Variants in KCNT1 observed in about 807,000 individuals in gnomAD.
KCNT1 encodes the protein potassium channel subfamily T member 1.
Under a neutral mutation model 147.8 loss-of-function variants are expected in KCNT1, and 78 were observed. The observed-to-expected ratio is 0.53, with a 90% CI of 0.44 to 0.64. The LOEUF is 0.64. Ranked by LOEUF, KCNT1 falls within the 30% of genes least tolerant of loss-of-function variation. KCNT1 has a pLI of 0.00. For missense variants in KCNT1, 1,419 were observed against 1,750.3 expected (o/e 0.81, Z 3.38); for synonymous variants, 867 against 748.8 (o/e 1.16, Z -2.58).
chr9:135,770,503 C>A, intron 17 of KCNT1, 56 bp downstream of exon 17: 1 of 1,543,742 alleles, frequency 6.5e-7, no homozygotes, highest in South Asian at 1.3e-5. Flanking sequence ...TGCTCTGTGC[C>A]CTCCCCACCC....
chr9:135,702,197 G>A lies in KCNT1; in HGVS notation c.-62G>A. ...AAAAATGTTTTTCAGGGCAACGCGA[G>A]GGAAGAAGGTGGCGGCTCCCACTCG... is the stretch of plus-strand genomic sequence containing the variant. On this transcript the variant is annotated 5_prime_UTR_variant, in exon 1 of 31. Transcript: ENST00000371757. 4 of 1,237,772 alleles carry A rather than the reference G, an allele frequency of 3.2e-6. No individual in the cohort carries two copies. Among genetic ancestry groups the A allele is most frequent in the Non-Finnish European group, 4.7e-6 (4 of 858,022 alleles). 76.7% of individuals were successfully genotyped at this position (1,237,772 alleles called of 1,614,324 possible).
At chr9:135,774,745 G>A (rs934853517) in intron 19 of KCNT1, among the ~76,000 whole-genome samples, 1 of 152,154 alleles carries the variant, frequency 6.6e-6, no homozygotes, top group African/African-American at 2.4e-5. Context: ...TGTGTGTCCG[G>A]GTGTGTCCAT....
At chr9:135,764,758 C>T (rs1347098478) in intron 11 of KCNT1, among the ~76,000 whole-genome samples, 1 of 152,178 alleles carries the variant, frequency 6.6e-6, no homozygotes, top group African/African-American at 2.4e-5. Flanking sequence ...TGAGCCTCCC[C>T]ACCCTCGGTT....
Position 135,714,665 on chromosome 9 carries a change from C to A in KCNT1, c.199C>A (p.Arg67Ser). The A allele has an allele frequency of 6.7e-7, 1 of 1,486,326 alleles. No homozygotes were observed. Among genetic ancestry groups the A allele is most frequent in the Non-Finnish European group, 9.0e-7 (1 of 1,109,178 alleles). 92.1% of individuals were successfully genotyped at this position (1,486,326 alleles called of 1,614,324 possible). The change falls in exon 2 of 31, where the codon CGC becomes AGC. Residue 67 changes from arginine to serine, a missense_variant. Arg to Ser is a moderately radical substitution (Grantham distance 110). Around this residue, in one of 5 missense-constraint regions of KCNT1, gnomAD observed 181 missense variants for 155.7 expected, o/e 1.16. Transcript: ENST00000371757. This position sits in a 1 kb window ranked among gnomAD's most constrained non-coding sequence, Gnocchi z 6.2. ...CTCCGAGGTGCTGCCCTTGCCGCCGCGCTACCGCTTCCGGGACCTGCTGCT... is the reference window on the plus strand; with the variant it reads ...CTCCGAGGTGCTGCCCTTGCCGCCGAGCTACCGCTTCCGGGACCTGCTGCT... Reference protein sequence around the residue: ...LDSEVLPLPPRYRFRDLLLGD... With the variant: ...LDSEVLPLPPSYRFRDLLLGD...
At chr9:135,779,239 A>ACCC in intron 23 of KCNT1, 120 bp from the exon 24 acceptor site, 1 of 338,602 alleles carries the variant, frequency 3.0e-6, no homozygotes. Flanking sequence ...CTGCCCTGAG[A>ACCC]CCCCCCCACA....
At chr9:135,748,991 C>T (rs1293628413) in intron 2 of KCNT1, among the ~76,000 whole-genome samples, 2 of 152,194 alleles carry the variant, frequency 1.3e-5, no homozygotes, top group Non-Finnish European at 2.9e-5. Flanking sequence ...AGCCCAGCAC[C>T]CCAGGGCACG....
chr9:135,794,792 T>C lies in KCNT1; in HGVS notation c.*2631T>C, dbSNP rs1326862769. ...TTTAGGGAGCACCCGGGTGCCTCTC[T>C]GCTTGTCCCGAGCCCACTCACCAAC... On this transcript the variant is annotated 3_prime_UTR_variant, in exon 31 of 31. Coordinates refer to ENST00000371757, the MANE Select transcript of KCNT1 (RefSeq NM_020822.3). The C allele has an allele frequency of 6.6e-6, 1 of 152,096 alleles. No individual in the cohort carries two copies. The allele number at this position is 152,096 out of a possible 1,614,324, so 9.4% of individuals were successfully genotyped here.
At chr9:135,762,736 C>G (rs1304350302) in intron 11 of KCNT1, among the ~76,000 whole-genome samples, 1 of 152,106 alleles carries the variant, frequency 6.6e-6, no homozygotes, top group Non-Finnish European at 1.5e-5. Context: ...GGTGACAGAG[C>G]GAGATGCCAT....
intron 2 of KCNT1, among the ~76,000 whole-genome samples, chr9:135,739,673 C>T (rs1196985670): frequency 1.3e-5 from 2 of 152,134 alleles, no homozygotes; most frequent in Non-Finnish European, 2.9e-5. Context: ...CAGGAGGGCC[C>T]CTCCTGAGTA....
intron 6 of KCNT1, 107 bp downstream of exon 6, chr9:135,755,276 G>A: frequency 1.2e-6 from 1 of 841,500 alleles, no homozygotes; most frequent in South Asian, 2.0e-5. Flanking sequence ...GAGCACTGAG[G>A]ACATACCCAG....
At chr9:135,728,050 C>T (rs1836289208) in intron 2 of KCNT1, among the ~76,000 whole-genome samples, 1 of 152,196 alleles carries the variant, frequency 6.6e-6, no homozygotes, top group South Asian at 2.1e-4. Flanking sequence ...CTTAAGAAAA[C>T]TCAAAAAAGA....
intron 11 of KCNT1, among the ~76,000 whole-genome samples, chr9:135,763,119 GC>G (rs1270278687): frequency 6.6e-6 from 1 of 152,238 alleles, no homozygotes; most frequent in Non-Finnish European, 1.5e-5. Context: ...CCTCCCATCA[GC>G]CCTGCCGGAC....
chr9:135,711,666 G>A (rs1835494838), intron 1 of KCNT1, among the ~76,000 whole-genome samples: 1 of 152,362 alleles, frequency 6.6e-6, no homozygotes, highest in African/African-American at 2.4e-5. Context: ...GGGACTTCCT[G>A]TTGCCGTGCC....
At chr9:135,787,484 C>G (rs1158264753) in intron 29 of KCNT1, among the ~76,000 whole-genome samples, 1 of 152,234 alleles carries the variant, frequency 6.6e-6, no homozygotes, top group Non-Finnish European at 1.5e-5. Context: ...TGCCTCTGTC[C>G]CGTCGGAGTG....
rs751777758 is a variant in KCNT1, at chr9:135,786,287, C to T, written c.3268C>T (p.Gln1090Ter). The T allele has an allele frequency of 6.2e-7, 1 of 1,607,254 alleles. No homozygotes were observed. The highest frequency in any genetic ancestry group is 8.5e-7 in the Non-Finnish European group (1 of 1,177,838). Reference protein sequence around the residue: ...GSRAGTGGSSQGRHTGGGDPA... With the variant: ...GSRAGTGGSS Reference sequence around the variant, plus strand: ...CCGCGCTGGCACCGGAGGCAGCTCCCAGGGCCGCCACACGGGCGGCGGTGA... The same window carrying T: ...CCGCGCTGGCACCGGAGGCAGCTCCTAGGGCCGCCACACGGGCGGCGGTGA... Residue 1090 changes from glutamine (Q) to a stop codon, truncating the protein, a stop_gained, in exon 29 of 31, where the codon CAG (glutamine) becomes TAG (stop). Transcript: ENST00000371757. LOFTEE classifies it high-confidence loss of function.
In KCNT1 at chr9:135,783,983, ACCTCGGCACCAGCCCATCTGAGGCC is replaced by A. The variant is rs754571992; in HGVS notation, c.2842-36_2842-12del. On this transcript the variant is annotated splice_polypyrimidine_tract_variant and intron_variant, in intron 24 of 30. Transcript: ENST00000371757. ...CCGTGGCTGCCGTGCCACTGGAGGG[ACCTCGGCACCAGCCCATCTGAGGCC>A]CCTCCTTTCCCACAGAGGGAGCGAG... The A allele has an allele frequency of 2.3e-5, 35 of 1,524,414 alleles. No homozygotes were observed. Among genetic ancestry groups the A allele is most frequent in the South Asian group, 4.5e-5 (4 of 89,504 alleles). The allele number at this position is 1,524,414 out of a possible 1,614,324, so 94.4% of individuals were successfully genotyped here.
At chr9:135,732,022 A>AGG (rs1836492076) in intron 2 of KCNT1, among the ~76,000 whole-genome samples, 5 of 129,406 alleles carry the variant, frequency 3.9e-5, no homozygotes, top group South Asian at 2.9e-4. Context: ...AGAGAGAGAG[A>AGG]GAGAGAGAGA....
chr9:135,794,731 G>C lies in KCNT1; in HGVS notation c.*2570G>C, dbSNP rs1312976052. 6.6e-6 allele frequency: 1 copy of C among 152,196 alleles called. No individual in the cohort carries two copies. The highest frequency in any genetic ancestry group is 2.1e-4 in the South Asian group (1 of 4,826). 9.4% of individuals were successfully genotyped at this position (152,196 alleles called of 1,614,324 possible). On this transcript the variant is annotated 3_prime_UTR_variant, in exon 31 of 31. Transcript: ENST00000371757. ...CTGCCTGCAGCATCTGGAAACTTCT[G>C]TGCTCTCCTTGGCCTCTGTGTTCTT...
chr9:135,783,358 C>T (rs1328531972), intron 24 of KCNT1, among the ~76,000 whole-genome samples: 4 of 152,190 alleles, frequency 2.6e-5, no homozygotes, highest in African/African-American at 9.6e-5. Context: ...GGCAGGTGGC[C>T]TCCAGGAGCT....
Sources: allele counts gnomAD v4.1 joint callset (sites outside exome capture counted in the v4.1 genomes callset), GRCh38; gene constraint gnomAD v4.1.1; regional missense constraint gnomAD v4.1.1; non-coding constraint Gnocchi (gnomAD v3.1); transcripts MANE v1.5; gene names NCBI Gene and HGNC (gene_info 2026-07-23, HGNC 2026-07-21).